The following PHACTR2 variants were observed in gnomAD, a reference collection of about 807,000 sequenced individuals.
PHACTR2 encodes chromosome 6 open reading frame 56.
PHACTR2 carries 30 observed loss-of-function variants against 76.0 expected under a neutral mutation model. The ratio of observed to expected loss-of-function variants is 0.39; its 90% CI spans 0.30 to 0.54. The LOEUF (loss-of-function observed/expected upper bound fraction) is 0.54. PHACTR2 is among the 20% of genes least tolerant of loss of function. PHACTR2 has a pLI of 0.61. For missense variants in PHACTR2, 696 were observed against 781.1 expected (o/e 0.89, Z 1.30); for synonymous variants, 292 against 292.5 (o/e 1.00, Z 0.02).
rs1776533940 is a variant in PHACTR2, at chr6:143,639,905, T to C, written c.13+31583T>C. On this transcript the variant is annotated intron_variant, in intron 1 of 11. Coordinates refer to the PHACTR2 transcript ENST00000305766. The surrounding 1 kb of genome is among the most constrained non-coding windows in gnomAD (Gnocchi z 5.0). ...CTACTCTAAAGATAATGTGTTCTGGTTCCTAGCCTCCAGAAGCTGGAGGAA... is the reference window on the plus strand; with the variant it reads ...CTACTCTAAAGATAATGTGTTCTGGCTCCTAGCCTCCAGAAGCTGGAGGAA... Among the ~76,000 whole-genome samples, 1 of 152,216 alleles carries C rather than the reference T, an allele frequency of 6.6e-6. No individual in the cohort carries two copies. Among genetic ancestry groups the C allele is most frequent in the Non-Finnish European group, 1.5e-5 (1 of 68,024 alleles).
rs1367797349 is a variant in PHACTR2 at position 143,820,163 on chromosome 6, G to A, written c.1923-3511G>A. Among the ~76,000 whole-genome samples the A allele has an allele frequency of 1.3e-5, 2 of 152,066 alleles. No homozygotes were observed. Among genetic ancestry groups the A allele is most frequent in the East Asian group, 3.9e-4 (2 of 5,188 alleles). On this transcript the variant is annotated intron_variant, in intron 12 of 12. Coordinates refer to ENST00000440869, the MANE Select transcript of PHACTR2 (RefSeq NM_001100164.2). The surrounding 1 kb of genome is among the most constrained non-coding windows in gnomAD (Gnocchi z 4.2). ...CCTCCCAGCCCCACCTCCAGCATTG[G>A]GGATTATATTCCAACATGAGATTTG... is the stretch of plus-strand genomic sequence containing the variant.
chr6:143,797,579 T>A (rs1582890971), intron 11 of PHACTR2, among the ~76,000 whole-genome samples: 1 of 152,326 alleles, frequency 6.6e-6, no homozygotes, highest in Non-Finnish European at 1.5e-5. Flanking sequence ...CATCTTGAGT[T>A]GATTTTTGTA....
chr6:143,538,079 G>A (rs939926610), intron 1 of PHACTR2, among the ~76,000 whole-genome samples: 11 of 151,620 alleles, frequency 7.3e-5, no homozygotes, highest in Admixed American at 7.2e-4. Flanking sequence ...GAATGAAAAA[G>A]TGAGACTCCG....
In PHACTR2 at chr6:143,760,935, A is replaced by G. The variant is rs1779428326; in HGVS notation, c.694+295A>G. Among the ~76,000 whole-genome samples the G allele has an allele frequency of 6.6e-6, 1 of 152,196 alleles. No individual in the cohort carries two copies. The highest frequency in any genetic ancestry group is 1.5e-5 in the Non-Finnish European group (1 of 68,030). On this transcript the variant is annotated intron_variant, in intron 5 of 12. Transcript: ENST00000440869. This position sits in a 1 kb window ranked among gnomAD's most constrained non-coding sequence, Gnocchi z 6.4. ...CTGGGAGTAGTATGCCTGATGAATG[A>G]CAATGATCTGATATAACATTATTTA...
intron 1 of PHACTR2, among the ~76,000 whole-genome samples, chr6:143,644,458 A>G (rs903960651): frequency 5.2e-5 from 5 of 95,518 alleles, no homozygotes; most frequent in Non-Finnish European, 9.6e-5. Context: ...ACAGAGTGGG[A>G]CTCCATCTCA....
At chr6:143,817,852 G>A (rs955130403) in intron 12 of PHACTR2, among the ~76,000 whole-genome samples, 1 of 152,178 alleles carries the variant, frequency 6.6e-6, no homozygotes, top group Non-Finnish European at 1.5e-5. Flanking sequence ...AGATAAAGAG[G>A]GTAGGGGAAA....
Position 143,697,077 on chromosome 6 carries a change from A to G in PHACTR2, c.47-14939A>G, listed in dbSNP as rs1439213417. On this transcript the variant is annotated intron_variant, in intron 1 of 12. Transcript: ENST00000440869. This position sits in a 1 kb window ranked among gnomAD's most constrained non-coding sequence, Gnocchi z 4.4. ...ATATATTTAGTTAATTGAAAGCCTA[A>G]AATATTGCCACATAACTGAACATCT... 6.6e-6 allele frequency among the ~76,000 whole-genome samples: 1 copy of G among 152,212 alleles called. No homozygotes were observed. The highest frequency in any genetic ancestry group is 1.5e-5 in the Non-Finnish European group (1 of 68,030).
rs370370390 is a variant in PHACTR2 at position 143,678,367 on chromosome 6, C to T, written c.46+158C>T. On this transcript the variant is annotated intron_variant, in intron 1 of 12. Transcript: ENST00000440869. This position sits in a 1 kb window ranked among gnomAD's most constrained non-coding sequence, Gnocchi z 6.2. ...AGGTAGCGCTCGCCAAACTCTTTGT[C>T]GTGAAAGAGGAATGCCTTTTGGGAT... Among the ~76,000 whole-genome samples the T allele has an allele frequency of 5.9e-5, 9 of 152,168 alleles. No individual in the cohort carries two copies. In the East Asian group the frequency reaches 9.7e-4, roughly 16 times the overall value.
intron 2 of PHACTR2, among the ~76,000 whole-genome samples, chr6:143,747,395 G>T (rs1052033432): frequency 1.3e-5 from 2 of 152,192 alleles, no homozygotes; most frequent in Admixed American, 6.5e-5. Context: ...TGGCTGCCCA[G>T]GGCGCATCCT....
Position 143,639,207 on chromosome 6 carries a change from A to T in PHACTR2, c.13+30885A>T, listed in dbSNP as rs1776521938. 6.6e-6 allele frequency among the ~76,000 whole-genome samples: 1 copy of T among 152,260 alleles called. No individual in the cohort carries two copies. Among genetic ancestry groups the T allele is most frequent in the African/African-American group, 2.4e-5 (1 of 41,464 alleles). On this transcript the variant is annotated intron_variant, in intron 1 of 11. Coordinates refer to the PHACTR2 transcript ENST00000305766. This position sits in a 1 kb window ranked among gnomAD's most constrained non-coding sequence, Gnocchi z 5.0. ...CACCAATGACATGCTTCATAAAATG[A>T]CAATTGCTGCAAAGTACCTGAAGTA...
At position 143,780,448 on chromosome 6, in the gene PHACTR2, C is replaced by T. The variant is rs1386990704; in HGVS notation, c.1646-2771C>T. ...GCAATATAGTGAGATCTCATCTCCA[C>T]CAAAAATTGAAAAAACAAAACATCT... On this transcript the variant is annotated intron_variant, in intron 9 of 12. Transcript: ENST00000440869. This position sits in a 1 kb window ranked among gnomAD's most constrained non-coding sequence, Gnocchi z 4.4. 6.6e-6 allele frequency among the ~76,000 whole-genome samples: 1 copy of T among 151,374 alleles called. No homozygotes were observed. Among genetic ancestry groups the T allele is most frequent in the Non-Finnish European group, 1.5e-5 (1 of 67,860 alleles).
At position 143,738,520 on chromosome 6, in the gene PHACTR2, G is replaced by A. The variant is rs1451896051; in HGVS notation, c.215-10465G>A. Among the ~76,000 whole-genome samples the A allele has an allele frequency of 1.3e-5, 2 of 152,046 alleles. No individual in the cohort carries two copies. Among genetic ancestry groups the A allele is most frequent in the East Asian group, 3.9e-4 (2 of 5,192 alleles). ...TGCCTGTAATCCTAGCACTTTGGGA[G>A]GCCAAGGTAAATGGATCACTTGAGC... On this transcript the variant is annotated intron_variant, in intron 2 of 12. Transcript: ENST00000440869. This position sits in a 1 kb window ranked among gnomAD's most constrained non-coding sequence, Gnocchi z 4.0.
At chr6:143,636,421 G>T (rs984347338) in intron 1 of PHACTR2, among the ~76,000 whole-genome samples, 1 of 152,004 alleles carries the variant, frequency 6.6e-6, no homozygotes, top group Non-Finnish European at 1.5e-5. Flanking sequence ...TATCACCTTT[G>T]TTACATATTA....
chr6:143,655,821 A>G (rs1038922923), intron 1 of PHACTR2, among the ~76,000 whole-genome samples: 6 of 152,234 alleles, frequency 3.9e-5, no homozygotes, highest in African/African-American at 1.4e-4. Context: ...CGGAATTTTT[A>G]GTAAAATGTC....
In PHACTR2 at chr6:143,772,178, G is replaced by C; in HGVS notation, c.1233-80G>C. The C allele has an allele frequency of 1.1e-6, 1 of 949,678 alleles. No individual in the cohort carries two copies. The highest frequency in any genetic ancestry group is 2.4e-5 in the East Asian group (1 of 41,538). 58.8% of individuals were successfully genotyped at this position (949,678 alleles called of 1,614,324 possible). ...AGCCTGAAGGAAGCCCATGAAACTA[G>C]AGCTCTTTTTCTTAGTGTCAGTGCC... is the stretch of plus-strand genomic sequence containing the variant. On this transcript the variant is annotated intron_variant, in intron 6 of 12. Transcript: ENST00000440869. This position sits in a 1 kb window ranked among gnomAD's most constrained non-coding sequence, Gnocchi z 5.4.
At chr6:143,573,576 CT>C (rs112507286) in intron 1 of PHACTR2, among the ~76,000 whole-genome samples, 1,957 of 149,950 alleles carry the variant, frequency 0.013, 31 homozygotes, top group East Asian at 0.092. Flanking sequence ...TCTTTCCCTC[CT>C]TTTTTTTTTT....
At position 143,591,904 on chromosome 6, in the gene PHACTR2, C is replaced by T. The variant is rs1775696104; in HGVS notation, c.217+54697C>T. On this transcript the variant is annotated intron_variant, in intron 1 of 11. Coordinates refer to the PHACTR2 transcript ENST00000367584. This position sits in a 1 kb window ranked among gnomAD's most constrained non-coding sequence, Gnocchi z 6.4. ...TCCACTTCCAGGTTTTCCTGGGCCA[C>T]TTCCCTAGATCTATTTTTAGGAGAT... Among the ~76,000 whole-genome samples the T allele has an allele frequency of 6.6e-6, 1 of 152,238 alleles. No homozygotes were observed. The highest frequency in any genetic ancestry group is 2.4e-5 in the African/African-American group (1 of 41,458).
chr6:143,563,100 G>A (rs569563401), intron 1 of PHACTR2, among the ~76,000 whole-genome samples: 3 of 152,256 alleles, frequency 2.0e-5, no homozygotes, highest in South Asian at 4.1e-4. Flanking sequence ...AATGGTTGAT[G>A]TAGTAAATTT....
At position 143,825,928 on chromosome 6, in the gene PHACTR2, G is replaced by A. The variant is rs1453268284; in HGVS notation, c.*2239G>A. On this transcript the variant is annotated 3_prime_UTR_variant, in exon 13 of 13. Transcript: ENST00000440869. The surrounding 1 kb of genome is among the most constrained non-coding windows in gnomAD (Gnocchi z 4.1). Reference sequence around the variant, plus strand: ...ATGAGATACACTTAGTACAAAAAATGAAAATCTGGTATTTCAAAATTGCAT... The same window carrying A: ...ATGAGATACACTTAGTACAAAAAATAAAAATCTGGTATTTCAAAATTGCAT... 1 of 151,842 alleles carries A rather than the reference G, an allele frequency of 6.6e-6. No homozygotes were observed. The highest frequency in any genetic ancestry group is 1.5e-5 in the Non-Finnish European group (1 of 67,988). 9.4% of individuals were successfully genotyped at this position (151,842 alleles called of 1,614,324 possible). A position where few individuals can be genotyped will look rare whatever the true frequency, so the allele number is the denominator to read the frequency against.
Sources: gnomAD v4.1 joint callset for allele counts (sites outside exome capture counted in the v4.1 genomes callset) on GRCh38, gnomAD v4.1.1 for gene constraint, Gnocchi (gnomAD v3.1) non-coding constraint, MANE v1.5 for transcripts, NCBI Gene and HGNC (gene_info 2026-07-23, HGNC 2026-07-21) for gene names.